The following MNAT1 variants were observed in gnomAD, a reference collection of about 807,000 sequenced individuals.
MNAT1 encodes MNAT1 component of CDK activating kinase.
MNAT1 carries 43 observed loss-of-function variants against 42.0 expected under a neutral mutation model. The ratio of observed to expected loss-of-function variants is 1.02; its 90% CI spans 0.80 to 1.32. MNAT1 has a LOEUF of 1.32. Among genes scored for constraint, MNAT1 ranks in the 40% most tolerant of loss-of-function variants. The pLI, the probability that MNAT1 is intolerant of heterozygous loss-of-function variation, is 0.00. For synonymous variants in MNAT1, 118 were observed against 120.0 expected, an observed-to-expected ratio of 0.98 and a Z score of 0.11; for missense variants, 306 against 350.4, an observed-to-expected ratio of 0.87 and a Z score of 1.01.
At chr14:60,762,525 A>T (rs984850813) in intron 1 of MNAT1, among the ~76,000 whole-genome samples, 5 of 151,820 alleles carry the variant, frequency 3.3e-5, no homozygotes, top group African/African-American at 1.2e-4. Context: ...TGACATCTCT[A>T]CTAAATGTCA....
chr14:60,742,917 TC>T (rs1348553889), intron 1 of MNAT1, among the ~76,000 whole-genome samples: 2 of 152,266 alleles, frequency 1.3e-5, no homozygotes, highest in African/African-American at 4.8e-5. Context: ...TTGAGTCATT[TC>T]TACTTTTTGG....
chr14:60,859,568 T>G (rs1267218669), intron 6 of MNAT1, among the ~76,000 whole-genome samples: 4 of 152,218 alleles, frequency 2.6e-5, no homozygotes, highest in Non-Finnish European at 5.9e-5. Flanking sequence ...TTAAAAACAT[T>G]AATCAAGACA....
intron 7 of MNAT1, among the ~76,000 whole-genome samples, chr14:60,930,206 T>TTTTTTATTA (rs71449542): frequency 3.4e-4 from 47 of 138,740 alleles, no homozygotes; most frequent in South Asian, 1.7e-3. Flanking sequence ...TTCTTCCGTC[T>TTTTTTATTA]TTATTATTAT....
chr14:60,862,749 A>T (rs2034125568), intron 6 of MNAT1, among the ~76,000 whole-genome samples: 1 of 152,218 alleles, frequency 6.6e-6, no homozygotes, highest in Admixed American at 6.5e-5. Flanking sequence ...ATATGTTAAT[A>T]TGTTTTCATA....
intron 7 of MNAT1, among the ~76,000 whole-genome samples, chr14:60,909,131 G>T (rs933586190): frequency 6.6e-6 from 1 of 152,184 alleles, no homozygotes; most frequent in African/African-American, 2.4e-5. Context: ...CTTTTGAGAA[G>T]TGTGTGTTCA....
chr14:60,755,595 C>A (rs2030315839), intron 1 of MNAT1, among the ~76,000 whole-genome samples: 1 of 152,130 alleles, frequency 6.6e-6, no homozygotes, highest in Non-Finnish European at 1.5e-5. Context: ...ATTCTAAAGT[C>A]ATGTAAAGCA....
chr14:60,923,022 A>T (rs1366735293), intron 7 of MNAT1, among the ~76,000 whole-genome samples: 1 of 152,166 alleles, frequency 6.6e-6, no homozygotes, highest in East Asian at 1.9e-4. Context: ...GATACATTCT[A>T]CTTGGGAATG....
chr14:60,778,045 G>A (rs2031315326), intron 1 of MNAT1, among the ~76,000 whole-genome samples: 1 of 152,124 alleles, frequency 6.6e-6, no homozygotes, highest in African/African-American at 2.4e-5. Context: ...TGGTGATAGT[G>A]GGTTTGTTTT....
intron 6 of MNAT1, among the ~76,000 whole-genome samples, chr14:60,879,183 T>C (rs2034495374): frequency 6.6e-6 from 1 of 152,156 alleles, no homozygotes; most frequent in African/African-American, 2.4e-5. Flanking sequence ...CTTTTTGTAA[T>C]GATTTTGCCA....
intron 5 of MNAT1, among the ~76,000 whole-genome samples, chr14:60,818,497 G>A (rs913045251): frequency 1.1e-4 from 16 of 152,040 alleles, no homozygotes; most frequent in African/African-American, 3.9e-4. Context: ...AACTTTTAAT[G>A]TGGATTTTAT....
chr14:60,966,345 C>A lies in MNAT1; in HGVS notation c.810-1884C>A, dbSNP rs2882685. Among the ~76,000 whole-genome samples the A allele has an allele frequency of 4.9e-3, 739 of 151,050 alleles. 2 individuals carry two copies. Among genetic ancestry groups the A allele is most frequent in the East Asian group, 0.029 (145 of 5,056 alleles). On this transcript the variant is annotated intron_variant, in intron 7 of 7. Transcript: ENST00000261245. ...ATGTTGGCCAGGCTGGTCTGAAACT[C>A]CTGTCCTCAGGTGATCCACCTGCCT... is the stretch of plus-strand genomic sequence containing the variant.
intron 7 of MNAT1, among the ~76,000 whole-genome samples, chr14:60,900,933 AG>A (rs2035059328): frequency 7.2e-6 from 1 of 139,228 alleles, no homozygotes; most frequent in Non-Finnish European, 1.5e-5. Context: ...GGCTGCAGTG[AG>A]CCATGATCAT....
intron 7 of MNAT1, among the ~76,000 whole-genome samples, chr14:60,945,425 A>G (rs375211072): frequency 6.6e-6 from 1 of 152,122 alleles, no homozygotes. Context: ...CTTTGGAATA[A>G]ATTTGAATAC....
At position 60,740,500 on chromosome 14, in the gene MNAT1, A is replaced by G. The variant is rs561437186; in HGVS notation, c.89+5549A>G. Among the ~76,000 whole-genome samples, 76 of 152,274 alleles carry G rather than the reference A, an allele frequency of 5.0e-4. No individual in the cohort carries two copies. The highest frequency in any genetic ancestry group is 1.8e-3 in the African/African-American group (73 of 41,564). On this transcript the variant is annotated intron_variant, in intron 1 of 7. Transcript: ENST00000261245. This position sits in a 1 kb window ranked among gnomAD's most constrained non-coding sequence, Gnocchi z 4.1. ...TTCCTCTAAATTGTTAGTTATGTTT[A>G]AAAGTTTTATCAGATTAAGTTTGAA...
At chr14:60,783,201 G>A (rs2031526876) in intron 1 of MNAT1, among the ~76,000 whole-genome samples, 2 of 152,212 alleles carry the variant, frequency 1.3e-5, no homozygotes, top group South Asian at 4.2e-4. Flanking sequence ...ATAACACTAT[G>A]AGATCTCCTG....
chr14:60,923,731 T>A (rs747543492), intron 7 of MNAT1, among the ~76,000 whole-genome samples: 1 of 152,044 alleles, frequency 6.6e-6, no homozygotes, highest in Non-Finnish European at 1.5e-5. Context: ...GTAATCCCAG[T>A]ACTTTGAGAG....
At chr14:60,916,671 G>A (rs2035521584) in intron 7 of MNAT1, among the ~76,000 whole-genome samples, 1 of 152,112 alleles carries the variant, frequency 6.6e-6, no homozygotes, top group African/African-American at 2.4e-5. Flanking sequence ...TTTAAAAAAG[G>A]CCAGGTGCAG....
intron 6 of MNAT1, among the ~76,000 whole-genome samples, chr14:60,820,875 G>GA (rs776267059): frequency 2.6e-5 from 4 of 152,098 alleles, no homozygotes; most frequent in Non-Finnish European, 5.9e-5. Flanking sequence ...ATAAAATTCA[G>GA]AATATTATCT....
intron 7 of MNAT1, among the ~76,000 whole-genome samples, chr14:60,932,625 A>G (rs1594886632): frequency 6.6e-6 from 1 of 151,886 alleles, no homozygotes; most frequent in Non-Finnish European, 1.5e-5. Flanking sequence ...CTGTTTTTAT[A>G]TATTTATATA....
Sources: allele counts gnomAD v4.1 joint callset (sites outside exome capture counted in the v4.1 genomes callset), GRCh38; gene constraint gnomAD v4.1.1; non-coding constraint Gnocchi (gnomAD v3.1); transcripts MANE v1.5; gene names NCBI Gene and HGNC (gene_info 2026-07-23, HGNC 2026-07-21).